Variants in BRAF observed in about 807,000 individuals in gnomAD.
The protein encoded by BRAF is serine/threonine-protein kinase B-raf.
A neutral mutation model predicts 104.6 loss-of-function variants in BRAF; 16 were observed. The ratio of observed to expected loss-of-function variants is 0.15; its 90% CI spans 0.10 to 0.23. The LOEUF (loss-of-function observed/expected upper bound fraction) is 0.23, where lower values mean the gene tolerates loss of function less well. Ranked by LOEUF, BRAF falls within the 10% of genes least tolerant of loss-of-function variation. The pLI is 1.00. For synonymous variants in BRAF, 310 were observed against 341.6 expected, an observed-to-expected ratio of 0.91 and a Z score of 1.02; for missense variants, 541 against 937.3, an observed-to-expected ratio of 0.58 and a Z score of 5.52.
chr7:140,870,906 G>C (rs1437388406), intron 1 of BRAF, among the ~76,000 whole-genome samples: 1 of 150,682 alleles, frequency 6.6e-6, no homozygotes, highest in African/African-American at 2.4e-5. Context: ...TAACAAATTT[G>C]GTTTAGATGC....
chr7:140,901,210 T>C (rs563497368), intron 1 of BRAF, among the ~76,000 whole-genome samples: 2 of 152,310 alleles, frequency 1.3e-5, no homozygotes, highest in South Asian at 4.1e-4. Flanking sequence ...TAAATACAAA[T>C]ATGAGATAAT....
chr7:140,862,829 T>C (rs944428839), intron 1 of BRAF, among the ~76,000 whole-genome samples: 3 of 152,290 alleles, frequency 2.0e-5, no homozygotes, highest in Non-Finnish European at 2.9e-5. Flanking sequence ...ATGAATATAT[T>C]AAAAACCACT....
At chr7:140,755,183 C>T (rs948457244) in intron 14 of BRAF, among the ~76,000 whole-genome samples, 3 of 152,142 alleles carry the variant, frequency 2.0e-5, no homozygotes, top group African/African-American at 7.2e-5. Flanking sequence ...GAGAACAGTG[C>T]TTGGTATGTG....
At chr7:140,788,532 T>C (rs1219226588) in intron 8 of BRAF, among the ~76,000 whole-genome samples, 1 of 152,108 alleles carries the variant, frequency 6.6e-6, no homozygotes, top group Non-Finnish European at 1.5e-5. Context: ...AAAATATGGA[T>C]GGATAAGGGC....
chr7:140,717,110 A>G (rs760808253), downstream of BRAF, among the ~76,000 whole-genome samples: 2 of 152,238 alleles, frequency 1.3e-5, no homozygotes, highest in Non-Finnish European at 2.9e-5. Context: ...TCATGGAGTC[A>G]ATACCCATTT....
chr7:140,722,754 C>T lies in BRAF; in HGVS notation c.*3740G>A. On this transcript the variant is annotated 3_prime_UTR_variant, in exon 20 of 20. Coordinates refer to ENST00000644969, the MANE Select transcript of BRAF (RefSeq NM_001374258.1). The stretch of plus-strand genomic sequence containing the variant: ...TCATTATGAGGATGTACTGTCATGC[C>T]AAGCCTACTGAAAATTAAAATTACA... The T allele has an allele frequency of 9.5e-6, 10 of 1,050,872 alleles. No individual in the cohort carries two copies. In the South Asian group the frequency reaches 4.6e-4, roughly 48 times the overall value. 65.1% of individuals were successfully genotyped at this position (1,050,872 alleles called of 1,614,324 possible).
At chr7:140,774,899 T>C (rs1800187181) in intron 14 of BRAF, among the ~76,000 whole-genome samples, 1 of 152,192 alleles carries the variant, frequency 6.6e-6, no homozygotes, top group Admixed American at 6.5e-5. Flanking sequence ...CAGTTGTGTG[T>C]AATCATTTTC....
intron 5 of BRAF, among the ~76,000 whole-genome samples, chr7:140,804,065 T>C (rs988554462): frequency 6.6e-5 from 10 of 152,226 alleles, no homozygotes; most frequent in African/African-American, 2.2e-4. Context: ...TTTGTATTTT[T>C]TGGTGGAGAT....
At chr7:140,887,825 C>T (rs1236754257) in intron 1 of BRAF, among the ~76,000 whole-genome samples, 1 of 152,124 alleles carries the variant, frequency 6.6e-6, no homozygotes, top group Non-Finnish European at 1.5e-5. Flanking sequence ...GCAATCCTCC[C>T]ACCTTGGCCA....
intron 14 of BRAF, among the ~76,000 whole-genome samples, chr7:140,757,659 G>GT (rs1216671910): frequency 6.6e-6 from 1 of 152,032 alleles, no homozygotes. Context: ...AAAAAAGTCG[G>GT]TTTTTTCTTG....
Position 140,725,915 on chromosome 7 carries a change from A to C in BRAF, c.*579T>G, listed in dbSNP as rs1795574601. 1 of 1,062,992 alleles carries C rather than the reference A, an allele frequency of 9.4e-7. No individual in the cohort carries two copies. The highest frequency in any genetic ancestry group is 5.4e-5 in the Admixed American group (1 of 18,688). 65.8% of individuals were successfully genotyped at this position (1,062,992 alleles called of 1,614,324 possible). A position where few individuals can be genotyped will look rare whatever the true frequency, so the allele number is the denominator to read the frequency against. On this transcript the variant is annotated 3_prime_UTR_variant, in exon 20 of 20. Transcript: ENST00000644969. ...TCACCACTCAGCCTCCATTTAAATAAAATAGTTTCCTTTTGATAAAATCTG... is the reference window on the plus strand; with the variant it reads ...TCACCACTCAGCCTCCATTTAAATACAATAGTTTCCTTTTGATAAAATCTG...
rs1818717128 is a variant in BRAF, at chr7:140,924,838, C to T, written c.-135G>A. On this transcript the variant is annotated 5_prime_UTR_variant, in exon 1 of 20. Coordinates refer to ENST00000644969, the MANE Select transcript of BRAF (RefSeq NM_001374258.1). The surrounding 1 kb of genome is among the most constrained non-coding windows in gnomAD (Gnocchi z 4.2). ...CGCGGGGGGCGCGGGGAGGAGCGGC[C>T]CGGGCGGCGCCGCGGGCGGAGGGCG... 6.4e-6 allele frequency: 2 copies of T among 313,138 alleles called. No individual in the cohort carries two copies. Among genetic ancestry groups the T allele is most frequent in the Admixed American group, 1.0e-4 (2 of 19,286 alleles). 19.4% of individuals were successfully genotyped at this position (313,138 alleles called of 1,614,324 possible). A position where few individuals can be genotyped will look rare whatever the true frequency, so the allele number is the denominator to read the frequency against.
intron 1 of BRAF, among the ~76,000 whole-genome samples, chr7:140,868,699 C>A (rs1185691990): frequency 4.6e-5 from 7 of 152,088 alleles, no homozygotes; most frequent in Admixed American, 4.6e-4. Flanking sequence ...GCACTGTACA[C>A]TTTAAATGAG....
At position 140,742,041 on chromosome 7, in the gene BRAF, A is replaced by G. The variant is rs777585506; in HGVS notation, c.2113-2095T>C. Among the ~76,000 whole-genome samples the G allele has an allele frequency of 2.6e-5, 4 of 152,236 alleles. No individual in the cohort carries two copies. The East Asian group carries it at 7.7e-4, about 29-fold the overall frequency. ...ACCTTGTGGACACAAGAGGTTTTCA[A>G]TGTTTAAGTTAACTGTTCATTAAGG... is the stretch of plus-strand genomic sequence containing the variant. On this transcript the variant is annotated intron_variant, in intron 17 of 19. Transcript: ENST00000644969.
rs921954086 is a variant in BRAF at position 140,872,493 on chromosome 7, T to A, written c.139-22281A>T. ...TAAGAAGAAGAAATAACAAAGAAAA[T>A]TTAAGAATTTCTCCTTGAGCCAAAA... On this transcript the variant is annotated intron_variant, in intron 1 of 19. Coordinates refer to ENST00000644969, the MANE Select transcript of BRAF (RefSeq NM_001374258.1). Among the ~76,000 whole-genome samples, 7 of 152,066 alleles carry A rather than the reference T, an allele frequency of 4.6e-5. No individual in the cohort carries two copies. In the South Asian group the frequency reaches 1.5e-3, roughly 32 times the overall value.
chr7:140,911,859 A>G (rs553650624), intron 1 of BRAF, among the ~76,000 whole-genome samples: 1 of 152,166 alleles, frequency 6.6e-6, no homozygotes, highest in African/African-American at 2.4e-5. Flanking sequence ...TTCATGTTCT[A>G]TTTCCCAATG....
intron 14 of BRAF, among the ~76,000 whole-genome samples, chr7:140,771,732 C>T (rs779358336): frequency 6.7e-5 from 10 of 149,792 alleles, no homozygotes; most frequent in Non-Finnish European, 1.2e-4. Context: ...TAGCTATAGA[C>T]TATATCTGGC....
chr7:140,862,069 C>A (rs1056614722), intron 1 of BRAF, among the ~76,000 whole-genome samples: 2 of 152,178 alleles, frequency 1.3e-5, no homozygotes, highest in Non-Finnish European at 2.9e-5. Context: ...AGAAAAGAAT[C>A]CTAGACCTAT....
chr7:140,842,979 T>C (rs1051338600), intron 2 of BRAF, among the ~76,000 whole-genome samples: 1 of 152,234 alleles, frequency 6.6e-6, no homozygotes, highest in Non-Finnish European at 1.5e-5. Flanking sequence ...GAATAAGTAG[T>C]TGAAGATTTA....
Sources: allele counts gnomAD v4.1 joint callset (sites outside exome capture counted in the v4.1 genomes callset), GRCh38; gene constraint gnomAD v4.1.1; non-coding constraint Gnocchi (gnomAD v3.1); transcripts MANE v1.5; gene names NCBI Gene and HGNC (gene_info 2026-07-23, HGNC 2026-07-21).